Variants in C1QTNF3 observed in about 807,000 individuals in gnomAD.
C1QTNF3 encodes the protein complement C1q tumor necrosis factor-related protein 3.
Under a neutral mutation model 32.6 loss-of-function variants are expected in C1QTNF3, and 26 were observed. That is an observed-to-expected ratio of 0.80 (90% CI 0.58 to 1.11). The LOEUF is 1.11. Ranked by LOEUF, C1QTNF3 falls within the 50% of genes least tolerant of loss-of-function variation. The pLI is 0.00. For synonymous variants in C1QTNF3, 155 were observed against 146.0 expected (o/e 1.06, Z -0.44); for missense variants, 362 against 398.2 (o/e 0.91, Z 0.77).
the C1QTNF3 span, among the ~76,000 whole-genome samples, chr5:34,177,253 T>A: frequency 1.3e-5 from 2 of 152,148 alleles, no homozygotes; most frequent in South Asian, 2.1e-4. Context: ...AAGACCTCAA[T>A]AGCCACATGT....
At chr5:34,105,507 A>G in the C1QTNF3 span, among the ~76,000 whole-genome samples, 1 of 151,846 alleles carries the variant, frequency 6.6e-6, no homozygotes, top group Non-Finnish European at 1.5e-5. Flanking sequence ...TGCATATGGA[A>G]AAAGATTAAT....
chr5:34,034,976 C>A (rs1393857057), intron 2 of C1QTNF3, among the ~76,000 whole-genome samples: 1 of 152,016 alleles, frequency 6.6e-6, no homozygotes, highest in Non-Finnish European at 1.5e-5. Flanking sequence ...TTGGCCAGAC[C>A]CTGAGATGAG....
the C1QTNF3 span, among the ~76,000 whole-genome samples, chr5:34,135,394 T>A: frequency 6.6e-6 from 1 of 152,094 alleles, no homozygotes; most frequent in Non-Finnish European, 1.5e-5. Flanking sequence ...TTTTTTTGCG[T>A]CTCTGCCAGG....
the C1QTNF3 span, among the ~76,000 whole-genome samples, chr5:34,177,962 G>C: frequency 2.6e-5 from 4 of 151,728 alleles, no homozygotes; most frequent in African/African-American, 9.7e-5. Flanking sequence ...ACCCTCTCGA[G>C]TTTCTTAAGA....
At chr5:34,127,301 TG>T in the C1QTNF3 span, among the ~76,000 whole-genome samples, 1 of 152,144 alleles carries the variant, frequency 6.6e-6, no homozygotes, top group Non-Finnish European at 1.5e-5. Context: ...TGGGAAAGTT[TG>T]GAACTTCCTA....
chr5:34,180,520 AAAAC>A, the C1QTNF3 span, among the ~76,000 whole-genome samples: 3 of 152,268 alleles, frequency 2.0e-5, no homozygotes, highest in African/African-American at 7.2e-5. Flanking sequence ...CTGACTCTGA[AAAAC>A]AAACAATGAA....
the C1QTNF3 span, among the ~76,000 whole-genome samples, chr5:34,177,087 G>T: frequency 3.7e-3 from 567 of 152,122 alleles, 11 homozygotes; most frequent in Admixed American, 0.027. Flanking sequence ...CAGCTACTTG[G>T]GGGGCTGAGG....
At chr5:34,133,538 G>A in the C1QTNF3 span, among the ~76,000 whole-genome samples, 317 of 152,242 alleles carry the variant, frequency 2.1e-3, 1 homozygote, top group African/African-American at 7.3e-3. Flanking sequence ...ACATCCTAAT[G>A]GAGCTTCTAA....
At chr5:34,161,444 CA>C in the C1QTNF3 span, among the ~76,000 whole-genome samples, 1 of 152,092 alleles carries the variant, frequency 6.6e-6, no homozygotes, top group African/African-American at 2.4e-5. Context: ...AAATTGAATT[CA>C]AAAACTGTAT....
chr5:34,217,598 G>C, the C1QTNF3 span, among the ~76,000 whole-genome samples: 2 of 152,068 alleles, frequency 1.3e-5, no homozygotes, highest in Non-Finnish European at 2.9e-5. Context: ...CATCCCAGAA[G>C]TTTCACACGG....
the C1QTNF3 span, among the ~76,000 whole-genome samples, chr5:34,058,080 C>G: frequency 6.6e-6 from 1 of 152,164 alleles, no homozygotes; most frequent in Non-Finnish European, 1.5e-5. Context: ...CACGTATCTA[C>G]CACACTTGCA....
chr5:34,242,739 GA>G, the C1QTNF3 span, among the ~76,000 whole-genome samples: 1 of 152,046 alleles, frequency 6.6e-6, no homozygotes, highest in Non-Finnish European at 1.5e-5. Flanking sequence ...CAGAATGGGA[GA>G]AAATATTTGC....
At chr5:34,052,169 CT>C in the C1QTNF3 span, among the ~76,000 whole-genome samples, 1 of 152,154 alleles carries the variant, frequency 6.6e-6, no homozygotes, top group East Asian at 1.9e-4. Context: ...TATTACTAAA[CT>C]TTATTGTGTT....
the C1QTNF3 span, among the ~76,000 whole-genome samples, chr5:34,207,575 T>C: frequency 1.4e-4 from 22 of 152,096 alleles, no homozygotes; most frequent in African/African-American, 5.3e-4. Flanking sequence ...TACTCAGCAA[T>C]TGTTTTGTGC....
At chr5:34,150,225 C>T in the C1QTNF3 span, among the ~76,000 whole-genome samples, 1 of 77,450 alleles carries the variant, frequency 1.3e-5, no homozygotes, top group Non-Finnish European at 2.4e-5. Flanking sequence ...CAGTAACCTA[C>T]AAAGAGACTT....
the C1QTNF3 span, among the ~76,000 whole-genome samples, chr5:34,075,835 C>G: frequency 6.6e-6 from 1 of 150,876 alleles, no homozygotes. Context: ...GATGGAAGGA[C>G]CCCCAGGTGT....
chr5:34,023,481 C>T (rs1443949536), intron 5 of C1QTNF3, among the ~76,000 whole-genome samples: 2 of 152,172 alleles, frequency 1.3e-5, no homozygotes, highest in Non-Finnish European at 2.9e-5. Flanking sequence ...GAAATGATAA[C>T]AGCCACAAAG....
chr5:34,132,406 A>AATATATAT, the C1QTNF3 span, among the ~76,000 whole-genome samples: 1 of 143,492 alleles, frequency 7.0e-6, no homozygotes, highest in Non-Finnish European at 1.5e-5. Flanking sequence ...CAACAACAAA[A>AATATATAT]ATATATATAT....
At chr5:34,140,431 T>C in the C1QTNF3 span, among the ~76,000 whole-genome samples, 3 of 152,206 alleles carry the variant, frequency 2.0e-5, no homozygotes, top group East Asian at 1.9e-4. Flanking sequence ...TTTGAGAATA[T>C]AGAAATATTA....
Sources: gnomAD v4.1 joint callset for allele counts (sites outside exome capture counted in the v4.1 genomes callset) on GRCh38, gnomAD v4.1.1 for gene constraint, MANE v1.5 for transcripts, NCBI Gene and HGNC (gene_info 2026-07-23, HGNC 2026-07-21) for gene names.